The following CSMD1 variants were observed in gnomAD, a reference collection of about 807,000 sequenced individuals.
The protein encoded by CSMD1 is CUB and Sushi multiple domains 1, also known as CUB and sushi domain-containing protein 1.
Under a neutral mutation model 417.5 loss-of-function variants are expected in CSMD1, and 213 were observed. The ratio of observed to expected loss-of-function variants is 0.51; its 90% CI spans 0.46 to 0.57. The LOEUF is 0.57. CSMD1 is among the 20% of genes least tolerant of loss of function. The probability of loss-of-function intolerance (pLI) is 0.00; values close to 1 mark genes in which losing one functional copy is unlikely to be tolerated. For missense variants in CSMD1, 6,923 were observed against 4,529.7 expected (o/e 1.53, Z -15.17); for synonymous variants, 2,862 against 1,736.8 (o/e 1.65, Z -16.11).
At position 3,616,597 on chromosome 8, in the gene CSMD1, A is replaced by G. The variant is rs1584966387; in HGVS notation, c.1097+113T>C. ...TTACACACATTTAGAGTTAATGATT[A>G]AGAAGTTTTATCTTTACCTCAAAAG... On this transcript the variant is annotated intron_variant, in intron 8 of 69. Coordinates refer to ENST00000635120, the MANE Select transcript of CSMD1 (RefSeq NM_033225.6). 7.3e-6 allele frequency: 5 copies of G among 683,486 alleles called. No homozygotes were observed. In the East Asian group the frequency reaches 1.4e-4, roughly 19 times the overall value. 42.3% of individuals were successfully genotyped at this position (683,486 alleles called of 1,614,324 possible).
At chr8:3,488,961 A>T (rs1248845508) in intron 11 of CSMD1, among the ~76,000 whole-genome samples, 2 of 152,196 alleles carry the variant, frequency 1.3e-5, no homozygotes, top group African/African-American at 4.8e-5. Context: ...CAATATCTTT[A>T]TATCTTTATT....
chr8:3,539,554 G>C (rs911277500), intron 10 of CSMD1, among the ~76,000 whole-genome samples: 77 of 152,062 alleles, frequency 5.1e-4, no homozygotes, highest in African/African-American at 1.7e-3. Context: ...GCAAGGAAAA[G>C]CGTGATTCAG....
In CSMD1 at chr8:3,803,122, C is replaced by T. The variant is rs770169419; in HGVS notation, c.819-49080G>A. Among the ~76,000 whole-genome samples, 62 of 152,156 alleles carry T rather than the reference C, an allele frequency of 4.1e-4. 1 individual carries two copies. The highest frequency in any genetic ancestry group is 3.9e-3 in the Admixed American group (60 of 15,278). ...CAGTGTTCTCTCCATCATGCTGTCT[C>T]TTTGAAGGACTTCATTCTAAGTACT... On this transcript the variant is annotated intron_variant, in intron 5 of 69. Transcript: ENST00000635120.
intron 2 of CSMD1, among the ~76,000 whole-genome samples, chr8:4,583,446 T>C (rs1799543948): frequency 6.6e-6 from 1 of 152,072 alleles, no homozygotes; most frequent in East Asian, 1.9e-4. Context: ...ATCGACACTC[T>C]GTATCTAGCT....
intron 1 of CSMD1, among the ~76,000 whole-genome samples, chr8:4,884,186 A>G (rs1803580998): frequency 6.6e-6 from 1 of 151,872 alleles, no homozygotes; most frequent in Admixed American, 6.6e-5. Context: ...CCTTTTTATT[A>G]TTGAGCTGTA....
intron 26 of CSMD1, among the ~76,000 whole-genome samples, chr8:3,265,448 C>G (rs895492281): frequency 6.6e-6 from 1 of 152,156 alleles, no homozygotes; most frequent in African/African-American, 2.4e-5. Flanking sequence ...TCTCAGGGAT[C>G]AGAGACGTTT....
intron 29 of CSMD1, among the ~76,000 whole-genome samples, chr8:3,215,882 AT>A (rs1375336929): frequency 1.3e-5 from 2 of 151,724 alleles, no homozygotes; most frequent in Non-Finnish European, 2.9e-5. Flanking sequence ...AATATTTTCA[AT>A]TATATTTTTA....
chr8:4,527,341 A>G (rs1796568494), intron 2 of CSMD1, among the ~76,000 whole-genome samples: 1 of 152,142 alleles, frequency 6.6e-6, no homozygotes, highest in African/African-American at 2.4e-5. Flanking sequence ...CCTTTACCCA[A>G]AAAACAATAA....
chr8:3,082,235 T>C (rs1418915195), intron 49 of CSMD1, among the ~76,000 whole-genome samples: 1 of 152,228 alleles, frequency 6.6e-6, no homozygotes, highest in African/African-American at 2.4e-5. Flanking sequence ...TCATTCATTA[T>C]GCCACGGAAA....
intron 3 of CSMD1, among the ~76,000 whole-genome samples, chr8:4,342,627 G>C (rs1184221622): frequency 2.0e-5 from 3 of 151,936 alleles, no homozygotes; most frequent in African/African-American, 4.8e-5. Context: ...TTCACATGCA[G>C]ACATTCTTTA....
chr8:3,006,452 C>A (rs1245153490), intron 52 of CSMD1, among the ~76,000 whole-genome samples: 1 of 151,846 alleles, frequency 6.6e-6, no homozygotes, highest in Non-Finnish European at 1.5e-5. Context: ...CAAAAAAGAG[C>A]CCGAATCACC....
At chr8:3,464,511 CTTTTCTTATATAG>C (rs1437102418) in intron 12 of CSMD1, among the ~76,000 whole-genome samples, 1 of 151,142 alleles carries the variant, frequency 6.6e-6, no homozygotes, top group Non-Finnish European at 1.5e-5. Context: ...CTCACATTAT[CTTTTCTTATATAG>C]TATTCTGAGA....
chr8:3,472,958 C>G (rs918806935), intron 11 of CSMD1, among the ~76,000 whole-genome samples: 2 of 152,074 alleles, frequency 1.3e-5, no homozygotes, highest in Admixed American at 6.6e-5. Flanking sequence ...TCCAACCTCT[C>G]AGCTGAACAC....
intron 10 of CSMD1, among the ~76,000 whole-genome samples, chr8:3,557,212 A>C (rs1322337826): frequency 6.6e-6 from 1 of 152,222 alleles, no homozygotes; most frequent in African/African-American, 2.4e-5. Flanking sequence ...GATATGTATT[A>C]GTACAACATA....
chr8:3,954,569 G>T (rs935982882), intron 5 of CSMD1, among the ~76,000 whole-genome samples: 1 of 152,134 alleles, frequency 6.6e-6, no homozygotes, highest in South Asian at 2.1e-4. Context: ...GGGTTTCACC[G>T]TGTTGCTCAG....
chr8:3,414,268 T>C (rs889121085), intron 12 of CSMD1, among the ~76,000 whole-genome samples: 1 of 126,460 alleles, frequency 7.9e-6, no homozygotes, highest in Non-Finnish European at 1.6e-5. Flanking sequence ...TTCCAAATTA[T>C]TGAACTAGAT....
Position 3,559,962 on chromosome 8 carries a change from C to T in CSMD1, c.1344+14983G>A, listed in dbSNP as rs117277860. The stretch of plus-strand genomic sequence containing the variant: ...GAGGTGACAGAGGAGGAAAGCCGTG[C>T]GGAATGAAGGTGGGTTTTCTGGATT... On this transcript the variant is annotated intron_variant, in intron 10 of 69. Transcript: ENST00000635120. Among the ~76,000 whole-genome samples the T allele has an allele frequency of 7.5e-3, 1,147 of 152,104 alleles. 10 individuals carry two copies. The highest frequency in any genetic ancestry group is 0.045 in the South Asian group (217 of 4,818).
chr8:4,756,355 C>A (rs2117072919), intron 1 of CSMD1, among the ~76,000 whole-genome samples: 1 of 152,168 alleles, frequency 6.6e-6, no homozygotes, highest in East Asian at 1.9e-4. Context: ...GGCATACTGG[C>A]CATATTTTTA....
intron 3 of CSMD1, among the ~76,000 whole-genome samples, chr8:4,354,621 C>T (rs1029444557): frequency 1.3e-5 from 2 of 151,994 alleles, no homozygotes; most frequent in Non-Finnish European, 2.9e-5. Context: ...CGTATAAGAA[C>T]GTGTCTACTC....
Sources: gnomAD v4.1 joint callset for allele counts (sites outside exome capture counted in the v4.1 genomes callset) on GRCh38, gnomAD v4.1.1 for gene constraint, MANE v1.5 for transcripts, NCBI Gene and HGNC (gene_info 2026-07-23, HGNC 2026-07-21) for gene names.